Variants in FAM177A1 observed in about 807,000 individuals in gnomAD.
The protein encoded by FAM177A1 is protein FAM177A1.
A neutral mutation model predicts 26.1 loss-of-function variants in FAM177A1; 22 were observed. The observed-to-expected ratio is 0.84, with a 90% CI of 0.60 to 1.20. The LOEUF (loss-of-function observed/expected upper bound fraction) is 1.20, where lower values mean the gene tolerates loss of function less well. Among genes scored for constraint, FAM177A1 ranks in the 50% most tolerant of loss-of-function variants. FAM177A1 has a pLI of 0.00. For synonymous variants in FAM177A1, 95 were observed against 99.3 expected, an observed-to-expected ratio of 0.96 and a Z score of 0.26; for missense variants, 296 against 291.1, an observed-to-expected ratio of 1.02 and a Z score of -0.12.
chr14:35,077,925 A>G (rs946725845), intron 3 of FAM177A1, among the ~76,000 whole-genome samples: 2 of 152,118 alleles, frequency 1.3e-5, no homozygotes, highest in African/African-American at 4.8e-5. Context: ...TTAATATTCC[A>G]TTTCTTAAAT....
chr14:35,069,210 C>T (rs2045281513), intron 2 of FAM177A1, among the ~76,000 whole-genome samples: 1 of 151,796 alleles, frequency 6.6e-6, no homozygotes, highest in Admixed American at 6.6e-5. Flanking sequence ...CTCACCATTA[C>T]CAGCCAGTTT....
chr14:35,074,259 C>T (rs1027909827), intron 2 of FAM177A1, among the ~76,000 whole-genome samples: 5 of 152,198 alleles, frequency 3.3e-5, no homozygotes, highest in African/African-American at 9.7e-5. Flanking sequence ...ATTCTCCCGT[C>T]TCAGTCTCCT....
intron 4 of FAM177A1, among the ~76,000 whole-genome samples, chr14:35,080,232 C>T (rs2045458560): frequency 4.6e-5 from 7 of 152,160 alleles, no homozygotes; most frequent in Admixed American, 3.9e-4. Flanking sequence ...TTTTACATGT[C>T]TTAACTTCCC....
intron 4 of FAM177A1, among the ~76,000 whole-genome samples, chr14:35,080,517 T>G (rs1463697610): frequency 1.3e-5 from 2 of 152,146 alleles, no homozygotes; most frequent in Non-Finnish European, 2.9e-5. Flanking sequence ...TAACCTCTTT[T>G]GGGCTGAGCG....
rs898208465 is a variant in FAM177A1, at chr14:35,046,610, C to A, written c.147C>A (p.Phe49Leu). 6.5e-7 allele frequency: 1 copy of A among 1,548,758 alleles called. No homozygotes were observed. The stretch of plus-strand genomic sequence containing the variant: ...CGGGAGCTGCGGCCGCCGCGGCATT[C>A]GGGGAATCTGCAGGGCAGGTAGGTG... ...AASGAAAAAAFGESAGQMSNE... is the reference protein window; with the variant it reads ...AASGAAAAAALGESAGQMSNE... The change falls in exon 1 of 5, where the codon TTC (phenylalanine) becomes TTA (leucine). Residue 49 changes from phenylalanine to leucine, a missense_variant. Transcript: ENST00000280987.
At chr14:35,070,977 C>T (rs1324084301) in intron 2 of FAM177A1, among the ~76,000 whole-genome samples, 2 of 150,342 alleles carry the variant, frequency 1.3e-5, no homozygotes, top group Non-Finnish European at 3.0e-5. Context: ...CTTATATTGA[C>T]CTCCATTTTC....
At position 35,050,560 on chromosome 14, in the gene FAM177A1, C is replaced by T. The variant is rs555373705; in HGVS notation, c.166-2718C>T. On this transcript the variant is annotated intron_variant, in intron 1 of 4. Transcript: ENST00000280987. ...TTGAGCACTGACATTCCTTCCTTTG[C>T]CTGTGTCATAGAAGGAAAAAATTAA... Among the ~76,000 whole-genome samples, 69 of 151,964 alleles carry T rather than the reference C, an allele frequency of 4.5e-4. No individual in the cohort carries two copies. The South Asian group carries it at 8.8e-3, about 19-fold the overall frequency.
At chr14:35,049,726 A>G (rs2044933484) in intron 1 of FAM177A1, among the ~76,000 whole-genome samples, 1 of 152,236 alleles carries the variant, frequency 6.6e-6, no homozygotes, top group Non-Finnish European at 1.5e-5. Flanking sequence ...TAGAGGTTGC[A>G]GTGAGCCAAG....
intron 1 of FAM177A1, among the ~76,000 whole-genome samples, chr14:35,052,499 G>T (rs1056226980): frequency 6.6e-6 from 1 of 151,980 alleles, no homozygotes; most frequent in Non-Finnish European, 1.5e-5. Flanking sequence ...ATGAGCCCGC[G>T]CCTGGCCCAA....
At chr14:35,072,331 T>C (rs1043480679) in intron 2 of FAM177A1, among the ~76,000 whole-genome samples, 3 of 152,004 alleles carry the variant, frequency 2.0e-5, no homozygotes, top group Non-Finnish European at 2.9e-5. Context: ...AGAGAAAATA[T>C]ATTTACTATT....
chr14:35,080,912 CTTTTTTTT>C lies in FAM177A1; in HGVS notation c.505-97_505-90del, dbSNP rs71435851. On this transcript the variant is annotated intron_variant, in intron 4 of 4. Transcript: ENST00000280987. Reference sequence around the variant, plus strand: ...AGACCAAACTGATTTGAACATGACACTTTTTTTTTTTTTTTTTTTTAAACATAAGCTGA... The same window carrying C: ...AGACCAAACTGATTTGAACATGACACTTTTTTTTTTTTAAACATAAGCTGA... The C allele has an allele frequency of 4.5e-4, 482 of 1,079,660 alleles. No homozygotes were observed. The African/African-American group carries it at 8.1e-3, about 18-fold the overall frequency. 66.9% of individuals were successfully genotyped at this position (1,079,660 alleles called of 1,614,324 possible).
At chr14:35,061,267 T>G (rs939587396) in intron 2 of FAM177A1, among the ~76,000 whole-genome samples, 2 of 151,874 alleles carry the variant, frequency 1.3e-5, no homozygotes, top group Non-Finnish European at 2.9e-5. Context: ...TGGGAAGAGA[T>G]TAGGAGTTGT....
intron 2 of FAM177A1, among the ~76,000 whole-genome samples, chr14:35,064,267 A>G (rs1566671178): frequency 6.6e-6 from 1 of 151,800 alleles, no homozygotes; most frequent in African/African-American, 2.4e-5. Flanking sequence ...TGCACCTGTA[A>G]TACCAGCTAC....
chr14:35,060,197 AC>A (rs1413818185), intron 2 of FAM177A1, among the ~76,000 whole-genome samples: 1 of 145,880 alleles, frequency 6.9e-6, no homozygotes, highest in Non-Finnish European at 1.5e-5. Flanking sequence ...CTGGTCTGGA[AC>A]TCCTGACCTC....
chr14:35,081,104 T>C lies in FAM177A1; in HGVS notation c.587T>C (p.Ile196Thr). The C allele has an allele frequency of 6.2e-7, 1 of 1,613,754 alleles. No individual in the cohort carries two copies. The highest frequency in any genetic ancestry group is 8.5e-7 in the Non-Finnish European group (1 of 1,179,888). The change falls in exon 5 of 5, where the codon ATT becomes ACT. Residue 196 changes from isoleucine to threonine, a missense_variant. Physicochemically the swap from Ile to Thr is moderately conservative, Grantham distance 89. Coordinates refer to ENST00000280987, the MANE Select transcript of FAM177A1 (RefSeq NM_173607.5). ...CAGAATAAATTGCAGACTGATTCCA[T>C]TGTTCAGACAGATCAACCAGAGACA... ...YQQNKLQTDSIVQTDQPETVI... is the reference protein window; with the variant it reads ...YQQNKLQTDSTVQTDQPETVI...
chr14:35,080,144 C>T (rs2138575036), intron 4 of FAM177A1, among the ~76,000 whole-genome samples: 2 of 152,228 alleles, frequency 1.3e-5, no homozygotes, highest in South Asian at 4.1e-4. Flanking sequence ...ACAAATGCCA[C>T]CTACTCAATG....
chr14:35,073,274 T>C (rs2045350065), intron 2 of FAM177A1, among the ~76,000 whole-genome samples: 1 of 152,176 alleles, frequency 6.6e-6, no homozygotes, highest in African/African-American at 2.4e-5. Flanking sequence ...TTCACCATGT[T>C]GCCCAGGCTG....
intron 2 of FAM177A1, among the ~76,000 whole-genome samples, chr14:35,053,863 G>A (rs977853142): frequency 1.3e-5 from 2 of 152,080 alleles, no homozygotes; most frequent in African/African-American, 4.8e-5. Flanking sequence ...CGTATTGGTG[G>A]ACACCTGTAA....
At chr14:35,077,279 G>A in intron 3 of FAM177A1, 63 bp downstream of exon 3, 1 of 1,450,882 alleles carries the variant, frequency 6.9e-7, no homozygotes, top group Non-Finnish European at 9.7e-7. Flanking sequence ...CAGGAACTTT[G>A]CTAAATAGGA....
Sources: gnomAD v4.1 joint callset for allele counts (sites outside exome capture counted in the v4.1 genomes callset) on GRCh38, gnomAD v4.1.1 for gene constraint, MANE v1.5 for transcripts, NCBI Gene and HGNC (gene_info 2026-07-23, HGNC 2026-07-21) for gene names.